Variants in RAB38 observed in about 807,000 individuals in gnomAD.
The protein encoded by RAB38 is RAB38, member RAS oncogene family.
Under a neutral mutation model 18.4 loss-of-function variants are expected in RAB38, and 15 were observed. That is an observed-to-expected ratio of 0.82 (90% CI 0.55 to 1.26). The LOEUF is 1.26. RAB38 is among the 50% of genes most tolerant of loss of function. RAB38 has a pLI of 0.00. For synonymous variants in RAB38, 101 were observed against 104.4 expected, an observed-to-expected ratio of 0.97 and a Z score of 0.20; for missense variants, 294 against 267.4, an observed-to-expected ratio of 1.10 and a Z score of -0.69.
chr11:88,057,022 T>C, the RAB38 span, among the ~76,000 whole-genome samples: 1 of 152,160 alleles, frequency 6.6e-6, no homozygotes, highest in East Asian at 1.9e-4. Flanking sequence ...GTATGAGTCC[T>C]AAACAAGACT....
chr11:87,839,694 A>G, the RAB38 span, among the ~76,000 whole-genome samples: 31 of 152,152 alleles, frequency 2.0e-4, no homozygotes, highest in Non-Finnish European at 4.0e-4. Flanking sequence ...AGCTGAAGAA[A>G]CTCTCTTAAT....
intron 2 of RAB38, among the ~76,000 whole-genome samples, chr11:88,142,833 G>A (rs1942933292): frequency 6.6e-6 from 1 of 152,218 alleles, no homozygotes; most frequent in Non-Finnish European, 1.5e-5. Flanking sequence ...AAAAGTATAT[G>A]TGAGAAAAGG....
the RAB38 span, among the ~76,000 whole-genome samples, chr11:88,090,135 C>T: frequency 6.6e-6 from 1 of 151,978 alleles, no homozygotes; most frequent in Non-Finnish European, 1.5e-5. Flanking sequence ...GGGTCCTCTT[C>T]TCATTTCCCT....
intron 2 of RAB38, among the ~76,000 whole-genome samples, chr11:88,118,635 T>C (rs1942589419): frequency 1.3e-5 from 2 of 152,200 alleles, no homozygotes; most frequent in Admixed American, 6.5e-5. Flanking sequence ...GAAATGTATA[T>C]ACTCTGACTT....
the RAB38 span, among the ~76,000 whole-genome samples, chr11:87,885,795 G>T: frequency 2.0e-5 from 3 of 151,942 alleles, no homozygotes; most frequent in East Asian, 5.9e-4. Context: ...CTCTAGCATG[G>T]GAATTTTTTA....
At chr11:88,145,747 G>C (rs921149696) in intron 2 of RAB38, among the ~76,000 whole-genome samples, 1 of 152,182 alleles carries the variant, frequency 6.6e-6, no homozygotes, top group Non-Finnish European at 1.5e-5. Context: ...ATGATGTAGA[G>C]AGTAAAATAA....
chr11:87,918,587 A>G, the RAB38 span, among the ~76,000 whole-genome samples: 1 of 152,116 alleles, frequency 6.6e-6, no homozygotes, highest in Admixed American at 6.6e-5. Context: ...CAGGTATTAG[A>G]TGAATTTCAC....
the RAB38 span, among the ~76,000 whole-genome samples, chr11:88,085,220 A>ATTCACTTCT: frequency 6.6e-6 from 1 of 151,910 alleles, no homozygotes; most frequent in Non-Finnish European, 1.5e-5. Flanking sequence ...AACCAACCTC[A>ATTCACTTCT]TTCACTTCTT....
chr11:87,914,452 A>C, the RAB38 span, among the ~76,000 whole-genome samples: 1 of 152,154 alleles, frequency 6.6e-6, no homozygotes, highest in Non-Finnish European at 1.5e-5. Flanking sequence ...TCCAATAGCA[A>C]AGTCTCCAAG....
the RAB38 span, among the ~76,000 whole-genome samples, chr11:87,904,896 G>A: frequency 6.6e-6 from 1 of 151,562 alleles, no homozygotes; most frequent in South Asian, 2.1e-4. Flanking sequence ...AACTTCTTGG[G>A]TTTATACGAT....
At chr11:88,056,587 G>C in the RAB38 span, among the ~76,000 whole-genome samples, 2 of 152,016 alleles carry the variant, frequency 1.3e-5, no homozygotes, top group Admixed American at 1.3e-4. Context: ...GGCAGATCAC[G>C]AGGTCAGGAG....
At chr11:87,876,003 G>T in the RAB38 span, among the ~76,000 whole-genome samples, 1 of 151,536 alleles carries the variant, frequency 6.6e-6, no homozygotes, top group Non-Finnish European at 1.5e-5. Flanking sequence ...GTTGAATAGT[G>T]ATATCAGGAA....
the RAB38 span, among the ~76,000 whole-genome samples, chr11:87,861,274 C>A: frequency 1.9e-4 from 29 of 151,904 alleles, no homozygotes; most frequent in African/African-American, 7.0e-4. Context: ...TTACACAGTT[C>A]CGACTGAAAA....
At chr11:88,027,437 G>A in the RAB38 span, among the ~76,000 whole-genome samples, 48 of 152,308 alleles carry the variant, frequency 3.2e-4, no homozygotes, top group Non-Finnish European at 5.7e-4. Flanking sequence ...CACCTGGGAA[G>A]CACAAGGGGT....
At chr11:88,171,806 G>A (rs918931752) in intron 1 of RAB38, among the ~76,000 whole-genome samples, 1 of 152,276 alleles carries the variant, frequency 6.6e-6, no homozygotes, top group East Asian at 1.9e-4. Context: ...TGGATTTGGA[G>A]AGTAATAAAA....
the RAB38 span, among the ~76,000 whole-genome samples, chr11:87,930,544 T>C: frequency 6.6e-6 from 1 of 152,230 alleles, no homozygotes; most frequent in East Asian, 1.9e-4. Context: ...TACTTTCTTT[T>C]GCTGTGCAGA....
the RAB38 span, among the ~76,000 whole-genome samples, chr11:87,910,502 C>A: frequency 1.3e-5 from 2 of 151,762 alleles, no homozygotes; most frequent in Non-Finnish European, 2.9e-5. Flanking sequence ...ATGAATTCTG[C>A]TTTTGATAAA....
chr11:87,934,428 T>C, the RAB38 span, among the ~76,000 whole-genome samples: 2 of 152,168 alleles, frequency 1.3e-5, no homozygotes, highest in Non-Finnish European at 2.9e-5. Flanking sequence ...AATTATATGC[T>C]AACCTCATAG....
At chr11:88,032,136 T>A in the RAB38 span, among the ~76,000 whole-genome samples, 2 of 152,006 alleles carry the variant, frequency 1.3e-5, no homozygotes, top group Non-Finnish European at 2.9e-5. Flanking sequence ...GGGAAATGAT[T>A]CCCTATTTAA....
Sources: allele counts gnomAD v4.1 joint callset (sites outside exome capture counted in the v4.1 genomes callset), GRCh38; gene constraint gnomAD v4.1.1; transcripts MANE v1.5; gene names NCBI Gene and HGNC (gene_info 2026-07-23, HGNC 2026-07-21).